The following ANO6 variants were observed in gnomAD, a reference collection of about 807,000 sequenced individuals.
The protein encoded by ANO6 is anoctamin 6, also known as anoctamin-6.
In ANO6, 106 loss-of-function variants were observed where a neutral mutation model predicts 117.5. That is an observed-to-expected ratio of 0.90 (90% CI 0.77 to 1.06). ANO6 has a LOEUF of 1.06. Ranked by LOEUF, ANO6 falls within the 50% of genes least tolerant of loss-of-function variation. The probability of loss-of-function intolerance (pLI) is 0.00; values close to 1 mark genes in which losing one functional copy is unlikely to be tolerated. For synonymous variants in ANO6, 367 were observed against 385.1 expected, an observed-to-expected ratio of 0.95 and a Z score of 0.55; for missense variants, 955 against 1,121.1, an observed-to-expected ratio of 0.85 and a Z score of 2.12.
At chr12:45,336,342 C>T (rs939709965) in intron 3 of ANO6, among the ~76,000 whole-genome samples, 26 of 151,964 alleles carry the variant, frequency 1.7e-4, no homozygotes, top group African/African-American at 5.8e-4. Flanking sequence ...TAACTCAAAG[C>T]ATTCATTTAT....
chr12:45,318,969 T>A (rs1209970929), intron 2 of ANO6, among the ~76,000 whole-genome samples: 1 of 152,204 alleles, frequency 6.6e-6, no homozygotes, highest in African/African-American at 2.4e-5. Context: ...TGATTTTGTA[T>A]CCTGAGACTT....
intron 1 of ANO6, among the ~76,000 whole-genome samples, chr12:45,246,481 G>A (rs1378505061): frequency 1.3e-5 from 2 of 152,140 alleles, no homozygotes; most frequent in South Asian, 4.1e-4. Context: ...GAAGTTGCTG[G>A]GCTTTGAAAG....
downstream of ANO6, among the ~76,000 whole-genome samples, chr12:45,434,132 A>G (rs1161945551): frequency 6.6e-6 from 1 of 152,214 alleles, no homozygotes; most frequent in Non-Finnish European, 1.5e-5. Context: ...GTTCTTGGCC[A>G]TAATCAAACC....
chr12:45,221,363 G>A (rs1947396128), intron 1 of ANO6, among the ~76,000 whole-genome samples: 1 of 152,222 alleles, frequency 6.6e-6, no homozygotes, highest in African/African-American at 2.4e-5. Flanking sequence ...CTTCACAGAA[G>A]AGATTTTTGG....
In ANO6 at chr12:45,295,732, T is replaced by G. The variant is rs545941565; in HGVS notation, c.71-6282T>G. ...TGTACCACTATGGCTGGCTAATTTTTTAATTTTTAGTAGAGACGGGGTTTC... is the reference window on the plus strand; with the variant it reads ...TGTACCACTATGGCTGGCTAATTTTGTAATTTTTAGTAGAGACGGGGTTTC... On this transcript the variant is annotated intron_variant, in intron 1 of 19. Transcript: ENST00000320560. Among the ~76,000 whole-genome samples the G allele has an allele frequency of 2.1e-4, 32 of 152,256 alleles. No homozygotes were observed. The South Asian group carries it at 6.2e-3, about 30-fold the overall frequency.
At chr12:45,248,841 C>CT (rs1947862523) in intron 1 of ANO6, among the ~76,000 whole-genome samples, 1 of 152,192 alleles carries the variant, frequency 6.6e-6, no homozygotes, top group African/African-American at 2.4e-5. Context: ...TGGGTCCTCA[C>CT]TTAGTGAGTC....
intron 2 of ANO6, among the ~76,000 whole-genome samples, chr12:45,311,190 T>C (rs1939838695): frequency 6.6e-6 from 1 of 152,036 alleles, no homozygotes. Context: ...TGTGGAATAA[T>C]GGATGAAAAT....
At chr12:45,342,961 G>A (rs1941023392) in intron 3 of ANO6, among the ~76,000 whole-genome samples, 1 of 152,130 alleles carries the variant, frequency 6.6e-6, no homozygotes, top group Admixed American at 6.6e-5. Context: ...AAGAAGAGAG[G>A]TGGTGCCCAA....
chr12:45,370,030 T>C (rs1941783768), intron 9 of ANO6, among the ~76,000 whole-genome samples: 2 of 152,362 alleles, frequency 1.3e-5, no homozygotes, highest in South Asian at 4.1e-4. Flanking sequence ...AAAATCATCT[T>C]GCCTACATAT....
At chr12:45,324,052 C>T (rs1940378017) in intron 2 of ANO6, among the ~76,000 whole-genome samples, 1 of 151,606 alleles carries the variant, frequency 6.6e-6, no homozygotes, top group Non-Finnish European at 1.5e-5. Context: ...ATTCTCCTGC[C>T]TCAGCCTCCC....
chr12:45,232,823 CTTCA>C, intron 1 of ANO6, among the ~76,000 whole-genome samples: 1 of 152,308 alleles, frequency 6.6e-6, no homozygotes, highest in East Asian at 1.9e-4. Flanking sequence ...CCCCAGTTCT[CTTCA>C]TTCTTTCTTT....
intron 8 of ANO6, among the ~76,000 whole-genome samples, chr12:45,364,884 A>G (rs1941645543): frequency 6.6e-6 from 1 of 152,200 alleles, no homozygotes; most frequent in Non-Finnish European, 1.5e-5. Context: ...CATTTTAAGT[A>G]TTATAATGTA....
chr12:45,291,394 G>T (rs1185024338), intron 1 of ANO6, among the ~76,000 whole-genome samples: 1 of 150,028 alleles, frequency 6.7e-6, no homozygotes, highest in Non-Finnish European at 1.5e-5. Flanking sequence ...TTTATGACCT[G>T]GATTTGGCAG....
At chr12:45,410,671 C>A (rs1161929336) in intron 16 of ANO6, among the ~76,000 whole-genome samples, 7 of 152,122 alleles carry the variant, frequency 4.6e-5, no homozygotes, top group Admixed American at 4.6e-4. Flanking sequence ...AGAAACACAT[C>A]ATTTTTGTTG....
rs77729497 is a variant in ANO6, at chr12:45,361,055, G to C, written c.998+3631G>C. Among the ~76,000 whole-genome samples the C allele has an allele frequency of 6.2e-3, 948 of 152,054 alleles. 15 individuals are homozygous for C. The highest frequency in any genetic ancestry group is 0.022 in the African/African-American group (900 of 41,462). On this transcript the variant is annotated intron_variant, in intron 8 of 19. Coordinates refer to ENST00000320560, the MANE Select transcript of ANO6 (RefSeq NM_001025356.3). ...GCTGTTCTGGGTCTTTTGCATTTCCGTATGAATTTTAGGATCAGCTTATCT... is the reference window on the plus strand; with the variant it reads ...GCTGTTCTGGGTCTTTTGCATTTCCCTATGAATTTTAGGATCAGCTTATCT...
chr12:45,347,427 CT>C, intron 4 of ANO6: 1 of 277,468 alleles, frequency 3.6e-6, no homozygotes, highest in Non-Finnish European at 6.7e-6. Flanking sequence ...TAATCTGTAT[CT>C]TAATTATCCA....
At position 45,431,841 on chromosome 12, in the gene ANO6, A is replaced by G; in HGVS notation, c.*2530A>G. 1 of 985,446 alleles carries G rather than the reference A, an allele frequency of 1.0e-6. No homozygotes were observed. 61.0% of individuals were successfully genotyped at this position (985,446 alleles called of 1,614,324 possible). A position where few individuals can be genotyped will look rare whatever the true frequency, so the allele number is the denominator to read the frequency against. On this transcript the variant is annotated 3_prime_UTR_variant, in exon 20 of 20. Coordinates refer to ENST00000320560, the MANE Select transcript of ANO6 (RefSeq NM_001025356.3). ...GCCTGTCCAGTGTTAACCACTAGAG[A>G]AACTGAGCTTTATATCCTTTTTTAA...
chr12:45,294,293 G>A (rs1357684946), intron 1 of ANO6, among the ~76,000 whole-genome samples: 4 of 152,122 alleles, frequency 2.6e-5, no homozygotes, highest in Non-Finnish European at 5.9e-5. Context: ...ACCAGAATGC[G>A]GAGAGAATAT....
intron 15 of ANO6, among the ~76,000 whole-genome samples, chr12:45,403,841 A>T (rs1942862958): frequency 6.6e-6 from 1 of 152,176 alleles, no homozygotes; most frequent in South Asian, 2.1e-4. Flanking sequence ...GAGCGACAGC[A>T]CTGGTTAGAG....
Sources: gnomAD v4.1 joint callset for allele counts (sites outside exome capture counted in the v4.1 genomes callset) on GRCh38, gnomAD v4.1.1 for gene constraint, MANE v1.5 for transcripts, NCBI Gene and HGNC (gene_info 2026-07-23, HGNC 2026-07-21) for gene names.